The following MTF1 variants were observed in gnomAD, a reference collection of about 807,000 sequenced individuals.
MTF1 encodes metal regulatory transcription factor 1, also known as MRE-binding transcription factor.
Under a neutral mutation model 70.4 loss-of-function variants are expected in MTF1, and 22 were observed. The observed-to-expected ratio is 0.31, with a 90% CI of 0.22 to 0.45. The LOEUF is 0.45. Ranked by LOEUF, MTF1 falls within the 20% of genes least tolerant of loss-of-function variation. The pLI is 1.00. For synonymous variants in MTF1, 333 were observed against 352.8 expected (o/e 0.94, Z 0.63); for missense variants, 649 against 922.0 (o/e 0.70, Z 3.83).
chr1:37,840,152 G>C lies in MTF1; in HGVS notation c.415C>G (p.Arg139Gly), dbSNP rs2148414505. ...CAGCCCTCAAAGGTACATTGGTACC[G>C]CTTTACCTGGCAGAGAAAAGATACC... ...CPETKRKEVK[R>G]YQCTFEGCPR... The change falls in exon 3 of 11, where the codon CGG becomes GGG. Residue 139 changes from arginine (R) to glycine (G), a missense_variant. By Grantham distance (125) the Arg-to-Gly change is moderately radical (BLOSUM62 -2). Coordinates refer to ENST00000373036, the MANE Select transcript of MTF1 (RefSeq NM_005955.3). The surrounding 1 kb of genome is among the most constrained non-coding windows in gnomAD (Gnocchi z 4.5). 1 of 1,613,816 alleles carries C rather than the reference G, an allele frequency of 6.2e-7. No homozygotes were observed. Among genetic ancestry groups the C allele is most frequent in the Middle Eastern group, 1.7e-4 (1 of 5,954 alleles).
In MTF1 at chr1:37,822,342, C is replaced by A. The variant is rs199577135; in HGVS notation, c.1546G>T (p.Val516Leu). 6 of 1,612,704 alleles carry A rather than the reference C, an allele frequency of 3.7e-6. No homozygotes were observed. The highest frequency in any genetic ancestry group is 5.1e-6 in the Non-Finnish European group (6 of 1,179,158). ...CTTTGTGGTGGGGCTGGTGCTGCCA[C>A]AGCTGATGCCACTGCCGCTGCTGAT... The part of the protein sequence containing the change: ...SASAAAVASA[V>L]AAPAPPQSTT... Residue 516 changes from valine (V) to leucine (L), a missense_variant, in exon 9 of 11, where the codon GTG becomes TTG. Transcript: ENST00000373036.
chr1:37,856,996 T>C (rs1641507562), intron 2 of MTF1, among the ~76,000 whole-genome samples: 1 of 152,248 alleles, frequency 6.6e-6, no homozygotes. Context: ...TTAAGTGAAA[T>C]TTCTGTTTTA....
rs149536271 is a variant in MTF1 at position 37,832,349 on chromosome 1, A to G, written c.991-27T>C. 225 of 1,502,232 alleles carry G rather than the reference A, an allele frequency of 1.5e-4. 2 individuals carry two copies. In the East Asian group the frequency reaches 4.4e-3, roughly 29 times the overall value. The allele number at this position is 1,502,232 out of a possible 1,614,324, so 93.1% of individuals were successfully genotyped here. Reference sequence around the variant, plus strand: ...TGTGAAAGAGAAAAAATTCTAATTGAGTAACAAAAATCAGGATTTACAGTG... The same window carrying G: ...TGTGAAAGAGAAAAAATTCTAATTGGGTAACAAAAATCAGGATTTACAGTG... On this transcript the variant is annotated intron_variant, in intron 6 of 10. Coordinates refer to ENST00000373036, the MANE Select transcript of MTF1 (RefSeq NM_005955.3).
At chr1:37,845,518 A>G (rs1443502761) in intron 2 of MTF1, among the ~76,000 whole-genome samples, 5 of 152,128 alleles carry the variant, frequency 3.3e-5, no homozygotes, top group Non-Finnish European at 7.4e-5. Flanking sequence ...TGACAGATTG[A>G]CTGATTGAAT....
At chr1:37,835,825 G>T (rs191498481) in intron 4 of MTF1, 81 bp from the exon 5 acceptor site, 7 of 1,196,200 alleles carry the variant, frequency 5.9e-6, no homozygotes, top group Non-Finnish European at 8.6e-6. Context: ...TTTTGAGATC[G>T]AGTCTCGCTC....
At chr1:37,826,852 G>C (rs895802875) in intron 7 of MTF1, among the ~76,000 whole-genome samples, 3 of 152,070 alleles carry the variant, frequency 2.0e-5, no homozygotes, top group Non-Finnish European at 4.4e-5. Flanking sequence ...GGTGGTGCGT[G>C]CTTCAAATCC....
chr1:37,829,868 C>A (rs1266717974), intron 7 of MTF1, among the ~76,000 whole-genome samples: 1 of 152,022 alleles, frequency 6.6e-6, no homozygotes, highest in Admixed American at 6.5e-5. Context: ...AATCAATTTC[C>A]ACATCTGAGA....
rs1640747672 is a variant in MTF1 at position 37,812,075 on chromosome 1, G to A, written c.*3061C>T. On this transcript the variant is annotated 3_prime_UTR_variant, in exon 11 of 11. Coordinates refer to ENST00000373036, the MANE Select transcript of MTF1 (RefSeq NM_005955.3). ...AGCGGTTGTCTAATTGGAGATGTTA[G>A]TAGGAGCTAGAAGATAACGTACAGG... The A allele has an allele frequency of 6.5e-6, 1 of 152,684 alleles. No individual in the cohort carries two copies. The highest frequency in any genetic ancestry group is 1.5e-5 in the Non-Finnish European group (1 of 68,048). 9.5% of individuals were successfully genotyped at this position (152,684 alleles called of 1,614,324 possible). A position where few individuals can be genotyped will look rare whatever the true frequency, so the allele number is the denominator to read the frequency against.
intron 2 of MTF1, among the ~76,000 whole-genome samples, chr1:37,854,483 A>G (rs1456243639): frequency 2.6e-5 from 4 of 152,174 alleles, no homozygotes; most frequent in Admixed American, 2.6e-4. Context: ...AACATTTAAC[A>G]ATGTCTTTAA....
At chr1:37,818,942 G>A (rs1372180435) in intron 9 of MTF1, among the ~76,000 whole-genome samples, 1 of 151,680 alleles carries the variant, frequency 6.6e-6, no homozygotes, top group Non-Finnish European at 1.5e-5. Context: ...GCAGTGAGCC[G>A]AGATCGCACC....
rs1480471460 is a variant in MTF1, at chr1:37,822,424, G to T, written c.1464C>A (p.His488Gln). 9 of 1,614,016 alleles carry T rather than the reference G, an allele frequency of 5.6e-6. No individual in the cohort carries two copies. The highest frequency in any genetic ancestry group is 7.6e-6 in the Non-Finnish European group (9 of 1,180,022). Residue 488 changes from histidine (H) to glutamine (Q), a missense_variant, in exon 9 of 11, where the codon CAC becomes CAA. By Grantham distance (24) the His-to-Gln change is conservative (BLOSUM62 0). Transcript: ENST00000373036. ...FAANHQEFLP[H>Q]PQAPQPIVPG... is the part of the protein sequence containing the mutation. ...GTACAATGGGCTGCGGTGCCTGGGG[G>T]TGCGGAAGAAACTCTTGATGATTAG...
intron 6 of MTF1, among the ~76,000 whole-genome samples, chr1:37,832,982 G>A (rs1641111256): frequency 6.6e-6 from 1 of 151,462 alleles, no homozygotes; most frequent in South Asian, 2.1e-4. Context: ...CTCCAGCCTG[G>A]GCGACAAGAG....
chr1:37,823,934 T>G (rs1189633624), intron 7 of MTF1, 122 bp from the exon 8 acceptor site: 2 of 686,814 alleles, frequency 2.9e-6, no homozygotes, highest in African/African-American at 3.6e-5. Context: ...TGTTTCTACC[T>G]TCTGCTATTT....
At chr1:37,856,167 T>C (rs892404349) in intron 2 of MTF1, among the ~76,000 whole-genome samples, 1 of 143,304 alleles carries the variant, frequency 7.0e-6, no homozygotes, top group African/African-American at 2.5e-5. Context: ...TTGCCTGAAT[T>C]TCCTTTTTTT....
intron 2 of MTF1, among the ~76,000 whole-genome samples, chr1:37,845,470 G>A (rs1641318186): frequency 6.6e-6 from 1 of 152,200 alleles, no homozygotes; most frequent in Non-Finnish European, 1.5e-5. Context: ...AAAGGACACA[G>A]ATTGGGGAAA....
At chr1:37,843,438 C>T (rs1044019881) in intron 2 of MTF1, among the ~76,000 whole-genome samples, 1 of 152,080 alleles carries the variant, frequency 6.6e-6, no homozygotes, top group East Asian at 1.9e-4. Flanking sequence ...GGGAAAGCCT[C>T]AGGTAGGAGA....
At position 37,855,955 on chromosome 1, in the gene MTF1, T is replaced by C. The variant is rs554119983; in HGVS notation, c.408+1296A>G. 3.3e-5 allele frequency among the ~76,000 whole-genome samples: 5 copies of C among 150,742 alleles called. No individual in the cohort carries two copies. In the East Asian group the frequency reaches 7.8e-4, roughly 24 times the overall value. On this transcript the variant is annotated intron_variant, in intron 2 of 10. Coordinates refer to ENST00000373036, the MANE Select transcript of MTF1 (RefSeq NM_005955.3). ...CTTAGGCAACAAGAGTGAAACTCCA[T>C]CTCAAAAAAAAAAATAGTTCCTAGA...
At chr1:37,836,061 A>T (rs1641165487) in intron 4 of MTF1, among the ~76,000 whole-genome samples, 2 of 152,162 alleles carry the variant, frequency 1.3e-5, no homozygotes, top group South Asian at 4.1e-4. Context: ...CGGCCTCCCA[A>T]GTGCTGGGAT....
At chr1:37,842,036 A>G (rs1641261096) in intron 2 of MTF1, among the ~76,000 whole-genome samples, 2 of 152,182 alleles carry the variant, frequency 1.3e-5, no homozygotes, top group Admixed American at 1.3e-4. Flanking sequence ...TGGCCTCAAA[A>G]AAGAAAAAAA....
Sources: allele counts gnomAD v4.1 joint callset (sites outside exome capture counted in the v4.1 genomes callset), GRCh38; gene constraint gnomAD v4.1.1; non-coding constraint Gnocchi (gnomAD v3.1); transcripts MANE v1.5; gene names NCBI Gene and HGNC (gene_info 2026-07-23, HGNC 2026-07-21).